SGCZ: variants seen among roughly 807,000 people sequenced by gnomAD.
The protein encoded by SGCZ is sarcoglycan zeta, also known as zeta-sarcoglycan.
A neutral mutation model predicts 41.3 loss-of-function variants in SGCZ; 40 were observed. The ratio of observed to expected loss-of-function variants is 0.97; its 90% CI spans 0.75 to 1.26. The LOEUF is 1.26. SGCZ is among the 50% of genes most tolerant of loss of function. The pLI is 0.00. For synonymous variants in SGCZ, 206 were observed against 137.5 expected (o/e 1.50, Z -3.49); for missense variants, 552 against 369.8 (o/e 1.49, Z -4.04).
chr8:14,937,859 T>C (rs1800133826), intron 1 of SGCZ, among the ~76,000 whole-genome samples: 1 of 152,160 alleles, frequency 6.6e-6, no homozygotes, highest in African/African-American at 2.4e-5. Flanking sequence ...TATAAAGGCA[T>C]AACATCTGAT....
chr8:15,016,376 G>A (rs1419608051), intron 1 of SGCZ, among the ~76,000 whole-genome samples: 1 of 152,166 alleles, frequency 6.6e-6, no homozygotes, highest in Non-Finnish European at 1.5e-5. Context: ...ATCCACCAGG[G>A]GAATAACATG....
At chr8:14,587,496 C>G (rs188989966) in intron 1 of SGCZ, among the ~76,000 whole-genome samples, 10,289 of 116,672 alleles carry the variant, frequency 0.088, 644 homozygotes, top group African/African-American at 0.2. Flanking sequence ...CACAGGGAGA[C>G]CTGCCTCTAC....
intron 2 of SGCZ, among the ~76,000 whole-genome samples, chr8:14,488,745 C>G (rs1285732535): frequency 6.7e-6 from 1 of 149,782 alleles, no homozygotes; most frequent in Non-Finnish European, 1.5e-5. Flanking sequence ...AATGCAAACT[C>G]TCCTGCCTTT....
chr8:14,928,462 A>G (rs1282078374), intron 1 of SGCZ, among the ~76,000 whole-genome samples: 1 of 152,216 alleles, frequency 6.6e-6, no homozygotes, highest in Non-Finnish European at 1.5e-5. Flanking sequence ...ATAATAAAAT[A>G]GGAAGTATCT....
At chr8:15,042,146 A>C (rs1352651486) in intron 1 of SGCZ, among the ~76,000 whole-genome samples, 1 of 152,156 alleles carries the variant, frequency 6.6e-6, no homozygotes, top group Non-Finnish European at 1.5e-5. Flanking sequence ...TCTGGCTCTG[A>C]GTTAGGATGA....
intron 3 of SGCZ, among the ~76,000 whole-genome samples, chr8:14,283,642 T>C (rs1424801903): frequency 6.6e-6 from 1 of 152,214 alleles, no homozygotes; most frequent in African/African-American, 2.4e-5. Context: ...ATGTTATAAT[T>C]CTCAAATTCA....
At chr8:14,114,294 C>T (rs894388459) in intron 5 of SGCZ, among the ~76,000 whole-genome samples, 8 of 152,034 alleles carry the variant, frequency 5.3e-5, no homozygotes, top group African/African-American at 1.9e-4. Context: ...AGTGTATCTC[C>T]TTGTTTAACA....
chr8:14,260,219 G>C (rs1799607085), intron 3 of SGCZ, among the ~76,000 whole-genome samples: 1 of 151,882 alleles, frequency 6.6e-6, no homozygotes, highest in South Asian at 2.1e-4. Flanking sequence ...CTAATATCCA[G>C]AATCTACAAT....
intron 1 of SGCZ, among the ~76,000 whole-genome samples, chr8:14,774,152 T>C (rs929580010): frequency 8.5e-5 from 13 of 152,156 alleles, no homozygotes; most frequent in Non-Finnish European, 1.6e-4. Context: ...CTTTATACAA[T>C]TAGTCTAAGG....
chr8:14,357,488 T>C (rs115945474), intron 2 of SGCZ, among the ~76,000 whole-genome samples: 1,760 of 152,332 alleles, frequency 0.012, 32 homozygotes, highest in African/African-American at 0.039. Flanking sequence ...TAGAATGCTA[T>C]CGCAGTATGC....
At chr8:14,439,533 C>A (rs1800187854) in intron 2 of SGCZ, among the ~76,000 whole-genome samples, 1 of 151,586 alleles carries the variant, frequency 6.6e-6, no homozygotes, top group African/African-American at 2.4e-5. Flanking sequence ...AACAATCTTT[C>A]CCAAAATATT....
chr8:14,907,626 G>A (rs1393450347), intron 1 of SGCZ, among the ~76,000 whole-genome samples: 1 of 152,136 alleles, frequency 6.6e-6, no homozygotes, highest in Non-Finnish European at 1.5e-5. Context: ...AGTGTTGCTT[G>A]AGGCCAGAAG....
chr8:15,118,527 T>C (rs1223447392), intron 1 of SGCZ, among the ~76,000 whole-genome samples: 3 of 152,200 alleles, frequency 2.0e-5, no homozygotes, highest in Non-Finnish European at 4.4e-5. Flanking sequence ...TTCTAAGGAA[T>C]GGGTTTATGT....
chr8:14,257,814 C>G (rs1478519589), intron 3 of SGCZ, among the ~76,000 whole-genome samples: 1 of 152,114 alleles, frequency 6.6e-6, no homozygotes, highest in African/African-American at 2.4e-5. Flanking sequence ...CCTTAGGAAG[C>G]TCTACATAAC....
chr8:14,343,124 C>A (rs888849498), intron 2 of SGCZ, among the ~76,000 whole-genome samples: 1 of 152,232 alleles, frequency 6.6e-6, no homozygotes, highest in Admixed American at 6.5e-5. Flanking sequence ...GGTTTGGACA[C>A]CTCTGCCTAA....
At chr8:14,652,754 A>C (rs1200225154) in intron 1 of SGCZ, among the ~76,000 whole-genome samples, 1 of 152,150 alleles carries the variant, frequency 6.6e-6, no homozygotes, top group African/African-American at 2.4e-5. Flanking sequence ...TCAAAATATC[A>C]ACAAATTCAC....
At chr8:14,990,767 C>T (rs577400225) in intron 1 of SGCZ, among the ~76,000 whole-genome samples, 61 of 152,214 alleles carry the variant, frequency 4.0e-4, no homozygotes, top group Non-Finnish European at 6.5e-4. Flanking sequence ...AGTGCTAACT[C>T]GGTCTGTGGA....
intron 1 of SGCZ, among the ~76,000 whole-genome samples, chr8:15,234,295 G>T (rs969355798): frequency 2.0e-5 from 3 of 152,148 alleles, no homozygotes; most frequent in African/African-American, 7.2e-5. Context: ...GATGGAGGGG[G>T]CTTTTTCTAA....
At chr8:14,709,683 G>GAA (rs55736502) in intron 1 of SGCZ, among the ~76,000 whole-genome samples, 1 of 145,888 alleles carries the variant, frequency 6.9e-6, no homozygotes, top group African/African-American at 2.5e-5. Context: ...TTTGCAAAAT[G>GAA]AAAAAAAAAA....
Sources: gnomAD v4.1 joint callset for allele counts (sites outside exome capture counted in the v4.1 genomes callset) on GRCh38, gnomAD v4.1.1 for gene constraint, MANE v1.5 for transcripts, NCBI Gene and HGNC (gene_info 2026-07-23, HGNC 2026-07-21) for gene names.